CAPZA1: variants seen among roughly 807,000 people sequenced by gnomAD.
The protein encoded by CAPZA1 is F-actin-capping protein subunit alpha-1.
Under a neutral mutation model 40.8 loss-of-function variants are expected in CAPZA1, and 10 were observed. The ratio of observed to expected loss-of-function variants is 0.25; its 90% CI spans 0.15 to 0.42. The LOEUF (loss-of-function observed/expected upper bound fraction) is 0.42, where lower values mean the gene tolerates loss of function less well. Ranked by LOEUF, CAPZA1 falls within the 10% of genes least tolerant of loss-of-function variation. The probability of loss-of-function intolerance (pLI) is 1.00; values close to 1 mark genes in which losing one functional copy is unlikely to be tolerated. For synonymous variants in CAPZA1, 98 were observed against 115.0 expected, an observed-to-expected ratio of 0.85 and a Z score of 0.95; for missense variants, 277 against 353.8, an observed-to-expected ratio of 0.78 and a Z score of 1.74.
chr1:112,653,991 G>T (rs1482693440), intron 4 of CAPZA1, among the ~76,000 whole-genome samples: 1 of 152,136 alleles, frequency 6.6e-6, no homozygotes, highest in Non-Finnish European at 1.5e-5. Flanking sequence ...CTGAAATTTA[G>T]ACTACTTATT....
chr1:112,652,393 C>T (rs943168213), intron 3 of CAPZA1, among the ~76,000 whole-genome samples: 1 of 150,004 alleles, frequency 6.7e-6, no homozygotes, highest in African/African-American at 2.5e-5. Flanking sequence ...GCAGGAGAAT[C>T]GCTTGAACCC....
intron 5 of CAPZA1, among the ~76,000 whole-genome samples, chr1:112,656,333 T>C (rs759484719): frequency 3.6e-4 from 55 of 152,056 alleles, no homozygotes; most frequent in Admixed American, 2.1e-3. Context: ...GTTGTGAAGA[T>C]TTAATGAATT....
At chr1:112,623,021 G>C (rs532174579) in intron 1 of CAPZA1, among the ~76,000 whole-genome samples, 28 of 152,106 alleles carry the variant, frequency 1.8e-4, no homozygotes, top group African/African-American at 6.5e-4. Context: ...AAGTAGCTGG[G>C]ATTACAGGCA....
Position 112,624,008 on chromosome 1 carries a change from AAAAAAAAAAAAAG to A in CAPZA1, c.39+4132_39+4144del, listed in dbSNP as rs1212132751. ...GTGACAGAGCAAGACTCCATCTCAAAAAAAAAAAAAAAGAAAAAAGAAAAGAAAAAGAAATCCT... is the reference window on the plus strand; with the variant it reads ...GTGACAGAGCAAGACTCCATCTCAAAAAAAAAGAAAAGAAAAAGAAATCCT... On this transcript the variant is annotated intron_variant, in intron 1 of 9. Coordinates refer to ENST00000263168, the MANE Select transcript of CAPZA1 (RefSeq NM_006135.3). Among the ~76,000 whole-genome samples, 596 of 147,800 alleles carry A rather than the reference AAAAAAAAAAAAAG, an allele frequency of 4.0e-3. 3 individuals are homozygous for A. The highest frequency in any genetic ancestry group is 0.014 in the African/African-American group (574 of 40,450).
chr1:112,664,867 G>A (rs951695985), intron 7 of CAPZA1, among the ~76,000 whole-genome samples: 1 of 152,116 alleles, frequency 6.6e-6, no homozygotes. Context: ...GCGGGGAATC[G>A]GAGGTTGCAG....
chr1:112,640,935 C>T (rs934806101), intron 1 of CAPZA1, among the ~76,000 whole-genome samples: 5 of 152,150 alleles, frequency 3.3e-5, no homozygotes, highest in Non-Finnish European at 7.3e-5. Flanking sequence ...CAACCCTGTG[C>T]TCTCTGAAAC....
intron 5 of CAPZA1, among the ~76,000 whole-genome samples, chr1:112,655,497 A>AT (rs1182275253): frequency 1.4e-5 from 1 of 72,550 alleles, no homozygotes; most frequent in Non-Finnish European, 3.1e-5. Context: ...AAAACAAAAA[A>AT]AACCAAACAA....
chr1:112,664,668 G>A (rs1671688712), intron 7 of CAPZA1, among the ~76,000 whole-genome samples: 1 of 152,158 alleles, frequency 6.6e-6, no homozygotes, highest in South Asian at 2.1e-4. Context: ...TAGCGCAGTG[G>A]CTCATGACTG....
At chr1:112,652,550 A>T (rs1292540159) in intron 3 of CAPZA1, among the ~76,000 whole-genome samples, 1 of 152,078 alleles carries the variant, frequency 6.6e-6, no homozygotes, top group Non-Finnish European at 1.5e-5. Flanking sequence ...TATCTTGAGA[A>T]GCCTAGTTTT....
intron 2 of CAPZA1, among the ~76,000 whole-genome samples, chr1:112,648,065 A>G (rs1336291984): frequency 6.6e-6 from 1 of 152,208 alleles, no homozygotes; most frequent in Non-Finnish European, 1.5e-5. Context: ...TAGCTACTCG[A>G]GAGGAACTGT....
chr1:112,657,324 C>G (rs1314221645), intron 5 of CAPZA1, among the ~76,000 whole-genome samples: 1 of 151,988 alleles, frequency 6.6e-6, no homozygotes, highest in Non-Finnish European at 1.5e-5. Context: ...TCCACTTTTT[C>G]CCTTCTCTCA....
intron 1 of CAPZA1, chr1:112,646,867 T>G (rs1448597179): frequency 6.1e-6 from 1 of 162,730 alleles, no homozygotes; most frequent in Non-Finnish European, 1.3e-5. Context: ...CTATTTAATT[T>G]GCTAATATTT....
At position 112,667,934 on chromosome 1, in the gene CAPZA1, C is replaced by T. The variant is rs115703958; in HGVS notation, c.657+789C>T. ...GTTATTAGAAGTTATTGAGTACCCC[C>T]AAAGAGTTTTTGTTTATGTGTTAGA... On this transcript the variant is annotated intron_variant, in intron 8 of 9. Transcript: ENST00000263168. 1.4e-3 allele frequency among the ~76,000 whole-genome samples: 220 copies of T among 152,164 alleles called. 1 individual carries two copies. Among genetic ancestry groups the T allele is most frequent in the African/African-American group, 5.0e-3 (207 of 41,512 alleles).
chr1:112,648,652 C>T (rs1317496840), intron 2 of CAPZA1, among the ~76,000 whole-genome samples: 1 of 148,762 alleles, frequency 6.7e-6, no homozygotes, highest in African/African-American at 2.5e-5. Context: ...TCTTCTTGAA[C>T]TTTAGCTCAG....
intron 1 of CAPZA1, chr1:112,620,931 C>A (rs1195080611): frequency 6.6e-6 from 1 of 152,198 alleles, no homozygotes; most frequent in African/African-American, 2.4e-5. Context: ...ACATTTGTCT[C>A]CCACTGTGGC....
rs1317910723 is a variant in CAPZA1, at chr1:112,636,236, G to A, written c.40-10974G>A. Among the ~76,000 whole-genome samples, 7 of 152,060 alleles carry A rather than the reference G, an allele frequency of 4.6e-5. No individual in the cohort carries two copies. The East Asian group carries it at 1.2e-3, about 25-fold the overall frequency. ...AATGAAACTTAGGACTTTTCAGTGC[G>A]ACTGATTTTTAAACTTTCAGTACAG... On this transcript the variant is annotated intron_variant, in intron 1 of 9. Coordinates refer to ENST00000263168, the MANE Select transcript of CAPZA1 (RefSeq NM_006135.3).
chr1:112,646,149 G>A (rs1671277941), intron 1 of CAPZA1, among the ~76,000 whole-genome samples: 1 of 152,132 alleles, frequency 6.6e-6, no homozygotes, highest in Non-Finnish European at 1.5e-5. Context: ...ATCCAGAAAG[G>A]GAGAATGGCA....
At chr1:112,666,801 A>T (rs1338932427) in intron 7 of CAPZA1, 2 of 371,848 alleles carry the variant, frequency 5.4e-6, no homozygotes, top group East Asian at 4.9e-5. Context: ...CACAATGCCT[A>T]GCACAGTGCT....
In CAPZA1 at chr1:112,655,029, T is replaced by G. The variant is rs1471251314; in HGVS notation, c.426+358T>G. Among the ~76,000 whole-genome samples the G allele has an allele frequency of 2.6e-5, 4 of 152,228 alleles. No homozygotes were observed. The South Asian group carries it at 8.3e-4, about 32-fold the overall frequency. ...TTTTTTGTTTGTATTTTTACCCAGA[T>G]CTAAAAGGTCTTTGGTTTGGACATG... On this transcript the variant is annotated intron_variant, in intron 5 of 9. Transcript: ENST00000263168.
Sources: gnomAD v4.1 joint callset for allele counts (sites outside exome capture counted in the v4.1 genomes callset) on GRCh38, gnomAD v4.1.1 for gene constraint, MANE v1.5 for transcripts, NCBI Gene and HGNC (gene_info 2026-07-23, HGNC 2026-07-21) for gene names.